The following DLD variants were observed in gnomAD, a reference collection of about 807,000 sequenced individuals.
DLD encodes dihydrolipoyl dehydrogenase, mitochondrial.
DLD carries 36 observed loss-of-function variants against 62.2 expected under a neutral mutation model. That is an observed-to-expected ratio of 0.58 (90% confidence interval 0.44 to 0.76). DLD has a LOEUF of 0.76. Among genes scored for constraint, DLD ranks in the 30% least tolerant of loss-of-function variants. DLD has a pLI of 0.00. For missense variants in DLD, 541 were observed against 608.6 expected (o/e 0.89, Z 1.17); for synonymous variants, 204 against 199.6 (o/e 1.02, Z -0.19).
chr7:107,894,354 C>T (rs2031664164), intron 2 of DLD, among the ~76,000 whole-genome samples: 1 of 152,160 alleles, frequency 6.6e-6, no homozygotes, highest in South Asian at 2.1e-4. Flanking sequence ...GTAATTTAAT[C>T]CTGTATCCTC....
intron 2 of DLD, among the ~76,000 whole-genome samples, chr7:107,900,248 C>T (rs1404044230): frequency 6.6e-6 from 1 of 151,988 alleles, no homozygotes; most frequent in Non-Finnish European, 1.5e-5. Context: ...CACAGAGGTT[C>T]TGTGATTCTG....
At chr7:107,904,777 G>T in intron 5 of DLD, 181 bp from the exon 6 acceptor site, 1 of 667,536 alleles carries the variant, frequency 1.5e-6, no homozygotes, top group Non-Finnish European at 2.8e-6. Flanking sequence ...GATAGGTTCT[G>T]TTTCTGTGAT....
At chr7:107,917,829 TGGGATTTATTTTCTGA>T in intron 11 of DLD, 79 bp from the exon 12 acceptor site, 1 of 1,524,518 alleles carries the variant, frequency 6.6e-7, no homozygotes. Context: ...ATTCCCTTCT[TGGGATTTATTTTCTGA>T]ACAAATGGTA....
chr7:107,893,830 A>G (rs963950736), intron 2 of DLD, among the ~76,000 whole-genome samples: 6 of 152,244 alleles, frequency 3.9e-5, no homozygotes, highest in South Asian at 2.1e-4. Context: ...AGGCAGGTCT[A>G]GTAGTTTGGA....
At chr7:107,892,848 CAG>C (rs2031623171) in intron 1 of DLD, among the ~76,000 whole-genome samples, 1 of 152,128 alleles carries the variant, frequency 6.6e-6, no homozygotes, top group Non-Finnish European at 1.5e-5. Flanking sequence ...ACGGCCGGCT[CAG>C]AGCTTTATGA....
intron 8 of DLD, among the ~76,000 whole-genome samples, chr7:107,909,417 A>G (rs2032085609): frequency 6.6e-6 from 1 of 152,236 alleles, no homozygotes; most frequent in African/African-American, 2.4e-5. Flanking sequence ...TTTGACCAGG[A>G]TGAAACATCG....
chr7:107,893,162 T>C, intron 1 of DLD, 38 bp from the exon 2 acceptor site: 6 of 1,562,652 alleles, frequency 3.8e-6, no homozygotes, highest in Non-Finnish European at 5.3e-6. Flanking sequence ...ATGTTTTGAA[T>C]TCATATCTTA....
chr7:107,899,713 T>G (rs1489159543), intron 2 of DLD, among the ~76,000 whole-genome samples: 1 of 152,026 alleles, frequency 6.6e-6, no homozygotes, highest in African/African-American at 2.4e-5. Flanking sequence ...AAAATTGAAT[T>G]TTATAAAAAC....
intron 8 of DLD, among the ~76,000 whole-genome samples, chr7:107,914,795 A>G (rs2032227218): frequency 6.6e-6 from 1 of 152,248 alleles, no homozygotes; most frequent in Non-Finnish European, 1.5e-5. Context: ...TGTTTAATAT[A>G]TAATTATTTA....
At position 107,905,425 on chromosome 7, in the gene DLD, A is replaced by AC; in HGVS notation, c.503_504insC (p.Gly169TrpfsTer7). The AC allele has an allele frequency of 6.2e-7, 1 of 1,613,866 alleles. No individual in the cohort carries two copies. Among genetic ancestry groups the AC allele is most frequent in the East Asian group, 2.2e-5 (1 of 44,850 alleles). ...AATCAAGTCACTGCTACGAAAGCTG[A>AC]TGGCGGCACTCAGGTTATTGATACA... On this transcript the variant is annotated frameshift_variant, in exon 7 of 14. Coordinates refer to ENST00000205402, the MANE Select transcript of DLD (RefSeq NM_000108.5). LOFTEE classifies it high-confidence loss of function.
intron 2 of DLD, among the ~76,000 whole-genome samples, chr7:107,895,111 G>A (rs1584457054): frequency 6.6e-6 from 1 of 152,146 alleles, no homozygotes; most frequent in Non-Finnish European, 1.5e-5. Flanking sequence ...ATTAACTGAT[G>A]CATTGAGGGC....
chr7:107,892,093 G>T (rs1425780650), intron 1 of DLD, among the ~76,000 whole-genome samples: 1 of 152,196 alleles, frequency 6.6e-6, no homozygotes, highest in East Asian at 1.9e-4. Context: ...TGAAACTCAG[G>T]ATTGTCAATC....
intron 8 of DLD, among the ~76,000 whole-genome samples, chr7:107,910,339 CT>C (rs1406092784): frequency 1.3e-5 from 2 of 152,172 alleles, no homozygotes; most frequent in African/African-American, 4.8e-5. Context: ...ATTTCTTCAT[CT>C]CAGCAGTTTT....
chr7:107,918,926 A>G, intron 12 of DLD, 84 bp from the exon 13 acceptor site: 2 of 1,151,400 alleles, frequency 1.7e-6, no homozygotes, highest in Non-Finnish European at 1.3e-6. Context: ...TTTAAGATCT[A>G]AAAGCTTCCC....
At chr7:107,891,138 G>T (rs1340436285), upstream of DLD, 1 of 1,373,176 alleles carries the variant, frequency 7.3e-7, no homozygotes, top group Non-Finnish European at 1.0e-6. Context: ...GCTGCTCCCG[G>T]GTGATGACGT....
Position 107,918,018 on chromosome 7 carries a change from A to G in DLD, c.1331A>G (p.Gln444Arg). Reference sequence around the variant, plus strand: ...GATGGCATGGTGAAGATCCTTGGGCAGAAATCGACAGACAGAGTACTGGGA... The same window carrying G: ...GATGGCATGGTGAAGATCCTTGGGCGGAAATCGACAGACAGAGTACTGGGA... The part of the protein sequence containing the change: ...DTDGMVKILG[Q>R]KSTDRVLGAH... Residue 444 changes from glutamine to arginine, a missense_variant, in exon 12 of 14, where the codon CAG (glutamine) becomes CGG (arginine). Gln to Arg is a conservative substitution (Grantham distance 43, BLOSUM62 1). Transcript: ENST00000205402. 1 of 1,614,108 alleles carries G rather than the reference A, an allele frequency of 6.2e-7. No individual in the cohort carries two copies. The highest frequency in any genetic ancestry group is 8.5e-7 in the Non-Finnish European group (1 of 1,179,958).
At chr7:107,911,556 C>T (rs184163795) in intron 8 of DLD, among the ~76,000 whole-genome samples, 34 of 152,114 alleles carry the variant, frequency 2.2e-4, no homozygotes, top group Admixed American at 9.2e-4. Context: ...CAAGGAACAC[C>T]GTTACACTTT....
intron 12 of DLD, among the ~76,000 whole-genome samples, chr7:107,918,375 A>C (rs2032322203): frequency 6.6e-6 from 1 of 152,174 alleles, no homozygotes; most frequent in African/African-American, 2.4e-5. Flanking sequence ...GTTTGTGCCT[A>C]CTTCTCTGAC....
At chr7:107,905,682 A>C (rs2031989313) in intron 7 of DLD, 178 bp downstream of exon 7, 1 of 650,602 alleles carries the variant, frequency 1.5e-6, no homozygotes, top group South Asian at 1.8e-5. Context: ...CCAGCTATAG[A>C]ACACTTTATA....
Sources: allele counts gnomAD v4.1 joint callset (sites outside exome capture counted in the v4.1 genomes callset), GRCh38; gene constraint gnomAD v4.1.1; transcripts MANE v1.5; gene names NCBI Gene and HGNC (gene_info 2026-07-23, HGNC 2026-07-21).